The following SAMD5 variants were observed in gnomAD, a reference collection of about 807,000 sequenced individuals.
SAMD5 encodes the protein sterile alpha motif domain containing 5.
Under a neutral mutation model 11.3 loss-of-function variants are expected in SAMD5, and 13 were observed. The observed-to-expected ratio is 1.15, with a 90% CI of 0.75 to 1.83. SAMD5 has a LOEUF of 1.83. SAMD5 is among the 40% of genes most tolerant of loss of function. The probability of loss-of-function intolerance (pLI) is 0.00; values close to 1 mark genes in which losing one functional copy is unlikely to be tolerated. For missense variants in SAMD5, 255 were observed against 239.1 expected (o/e 1.07, Z -0.44); for synonymous variants, 129 against 111.3 (o/e 1.16, Z -1.00).
the SAMD5 span, among the ~76,000 whole-genome samples, chr6:147,831,495 G>A: frequency 1.5e-4 from 23 of 152,138 alleles, no homozygotes; most frequent in Admixed American, 1.0e-3. Flanking sequence ...GTTGTCAGTT[G>A]GACAAGTCCT....
the SAMD5 span, among the ~76,000 whole-genome samples, chr6:147,885,855 T>C: frequency 2.6e-5 from 4 of 152,318 alleles, no homozygotes; most frequent in African/African-American, 9.6e-5. Context: ...GCCTTGGCTT[T>C]TTTGCTCTGT....
At chr6:147,674,868 A>C (rs1790842059) in intron 1 of SAMD5, among the ~76,000 whole-genome samples, 1 of 152,326 alleles carries the variant, frequency 6.6e-6, no homozygotes, top group East Asian at 1.9e-4. Flanking sequence ...TCAGTTCTCA[A>C]GCTAGATTTT....
At position 147,711,180 on chromosome 6, in the gene SAMD5, A is replaced by G. The variant is rs937423859; in HGVS notation, c.163-26137A>G. Among the ~76,000 whole-genome samples the G allele has an allele frequency of 1.3e-5, 2 of 152,204 alleles. No individual in the cohort carries two copies. The highest frequency in any genetic ancestry group is 4.8e-5 in the African/African-American group (2 of 41,448). On this transcript the variant is annotated intron_variant, in intron 1 of 1. Coordinates refer to the SAMD5 transcript ENST00000566741. This position sits in a 1 kb window ranked among gnomAD's most constrained non-coding sequence, Gnocchi z 4.1. ...ATTATTTATCCTACCAGTCTCTTTCATTAAATCTTCATGACAGCTCTTTGA... is the reference window on the plus strand; with the variant it reads ...ATTATTTATCCTACCAGTCTCTTTCGTTAAATCTTCATGACAGCTCTTTGA...
At chr6:147,833,830 G>T in the SAMD5 span, among the ~76,000 whole-genome samples, 2 of 152,174 alleles carry the variant, frequency 1.3e-5, no homozygotes, top group Non-Finnish European at 2.9e-5. Context: ...TAATTCAGAA[G>T]TAGTCCTTTA....
intron 1 of SAMD5, among the ~76,000 whole-genome samples, chr6:147,730,944 G>A (rs564188741): frequency 5.3e-5 from 8 of 152,096 alleles, no homozygotes; most frequent in Non-Finnish European, 5.9e-5. Flanking sequence ...AAGAGAATAT[G>A]AGAGGAGCAA....
the SAMD5 span, among the ~76,000 whole-genome samples, chr6:147,831,244 C>T: frequency 6.6e-5 from 10 of 152,122 alleles, no homozygotes; most frequent in Non-Finnish European, 4.4e-5. Context: ...AGCTCCAAAT[C>T]GAATAAAAAG....
At chr6:147,773,262 C>A in the SAMD5 span, among the ~76,000 whole-genome samples, 2 of 152,170 alleles carry the variant, frequency 1.3e-5, no homozygotes, top group Non-Finnish European at 2.9e-5. Flanking sequence ...CAGGCCAGTT[C>A]ATGTTGTACC....
At chr6:147,694,096 AAGAAG>A (rs1238052823) in intron 1 of SAMD5, among the ~76,000 whole-genome samples, 1 of 152,218 alleles carries the variant, frequency 6.6e-6, no homozygotes, top group Non-Finnish European at 1.5e-5. Flanking sequence ...AAGAGACAAC[AAGAAG>A]TGACTTTATT....
the SAMD5 span, among the ~76,000 whole-genome samples, chr6:147,934,130 G>T: frequency 4.6e-5 from 7 of 152,166 alleles, no homozygotes; most frequent in Non-Finnish European, 7.3e-5. Flanking sequence ...TACATTTAAA[G>T]ATATTGATGG....
intron 1 of SAMD5, among the ~76,000 whole-genome samples, chr6:147,694,389 A>G (rs536593205): frequency 2.2e-4 from 33 of 152,154 alleles, no homozygotes; most frequent in Non-Finnish European, 4.1e-4. Context: ...ACTTATTGGG[A>G]TTTATTTTCC....
chr6:147,814,415 A>T, the SAMD5 span, among the ~76,000 whole-genome samples: 1 of 152,168 alleles, frequency 6.6e-6, no homozygotes, highest in Non-Finnish European at 1.5e-5. Flanking sequence ...AAGATTCTAT[A>T]TTTTTTTAGG....
At chr6:147,617,080 C>A (rs763054110) in intron 1 of SAMD5, among the ~76,000 whole-genome samples, 3 of 152,138 alleles carry the variant, frequency 2.0e-5, no homozygotes, top group Non-Finnish European at 4.4e-5. Context: ...CTAGTTGAGG[C>A]TCTTCTCTTC....
intron 1 of SAMD5, among the ~76,000 whole-genome samples, chr6:147,592,242 A>C (rs1403259691): frequency 6.6e-6 from 1 of 152,090 alleles, no homozygotes; most frequent in Non-Finnish European, 1.5e-5. Flanking sequence ...TCCTGCCTAA[A>C]CAGGTATTTT....
downstream of SAMD5, among the ~76,000 whole-genome samples, chr6:147,572,846 T>C (rs1357196608): frequency 6.6e-6 from 1 of 152,152 alleles, no homozygotes; most frequent in African/African-American, 2.4e-5. Context: ...TTTGGACACA[T>C]CCCCTTTTGG....
chr6:147,637,227 A>G (rs778234887), intron 1 of SAMD5, among the ~76,000 whole-genome samples: 9 of 152,156 alleles, frequency 5.9e-5, no homozygotes, highest in Admixed American at 2.0e-4. Flanking sequence ...CCAGGCCACA[A>G]CTGAGGGAGT....
intron 1 of SAMD5, among the ~76,000 whole-genome samples, chr6:147,684,492 T>G (rs1288919088): frequency 1.3e-5 from 2 of 152,038 alleles, no homozygotes; most frequent in African/African-American, 4.8e-5. Context: ...GGTCATAGAG[T>G]CCTAAGTTGT....
the SAMD5 span, among the ~76,000 whole-genome samples, chr6:147,868,908 C>T: frequency 1.3e-5 from 2 of 152,044 alleles, no homozygotes; most frequent in Non-Finnish European, 2.9e-5. Context: ...AAAGACATGA[C>T]CAAAAATAAG....
the SAMD5 span, among the ~76,000 whole-genome samples, chr6:147,935,648 T>C: frequency 2.6e-5 from 4 of 152,292 alleles, no homozygotes; most frequent in Admixed American, 2.6e-4. Context: ...CATTCTCCTT[T>C]TATGAAACTG....
the SAMD5 span, among the ~76,000 whole-genome samples, chr6:147,806,066 A>C: frequency 3.3e-5 from 5 of 152,136 alleles, no homozygotes; most frequent in African/African-American, 1.2e-4. Context: ...ACAGCAGCCA[A>C]GGGGAGGAAC....
Sources: allele counts gnomAD v4.1 joint callset (sites outside exome capture counted in the v4.1 genomes callset), GRCh38; gene constraint gnomAD v4.1.1; non-coding constraint Gnocchi (gnomAD v3.1); transcripts MANE v1.5; gene names NCBI Gene and HGNC (gene_info 2026-07-23, HGNC 2026-07-21).